SIPA1L1: variants seen among roughly 807,000 people sequenced by gnomAD.
The protein encoded by SIPA1L1 is signal-induced proliferation-associated 1-like protein 1.
In SIPA1L1, 26 loss-of-function variants were observed where a neutral mutation model predicts 162.7. That is an observed-to-expected ratio of 0.16 (90% CI 0.12 to 0.22). The LOEUF (loss-of-function observed/expected upper bound fraction) is 0.22, where lower values mean the gene tolerates loss of function less well. SIPA1L1 is among the 10% of genes least tolerant of loss of function. The probability of loss-of-function intolerance (pLI) is 1.00; values close to 1 mark genes in which losing one functional copy is unlikely to be tolerated. For missense variants in SIPA1L1, 1,874 were observed against 2,241.0 expected (o/e 0.84, Z 3.31); for synonymous variants, 829 against 837.4 (o/e 0.99, Z 0.17).
chr14:71,364,948 T>C (rs35260692), intron 2 of SIPA1L1, among the ~76,000 whole-genome samples: 24,879 of 152,052 alleles, frequency 0.16, 2,636 homozygotes, highest in Middle Eastern at 0.34. Context: ...GTTTCACCCA[T>C]GTTGGCCAGG....
chr14:71,402,423 T>A (rs145372854), intron 2 of SIPA1L1, among the ~76,000 whole-genome samples: 230 of 151,658 alleles, frequency 1.5e-3, no homozygotes, highest in Non-Finnish European at 2.5e-3. Flanking sequence ...ACCTCAGCTC[T>A]CTGTAACCTC....
At chr14:71,407,346 A>G (rs1344726387) in intron 2 of SIPA1L1, among the ~76,000 whole-genome samples, 1 of 152,100 alleles carries the variant, frequency 6.6e-6, no homozygotes, top group African/African-American at 2.4e-5. Flanking sequence ...TACTGTAGAC[A>G]GTTTTAGGCT....
At chr14:71,609,803 G>A (rs2037989278) in intron 5 of SIPA1L1, among the ~76,000 whole-genome samples, 1 of 152,090 alleles carries the variant, frequency 6.6e-6, no homozygotes, top group East Asian at 1.9e-4. Context: ...TGTTGCTCAG[G>A]CTGGTCTTGA....
chr14:71,558,867 A>G (rs2146512478), intron 4 of SIPA1L1, among the ~76,000 whole-genome samples: 1 of 152,146 alleles, frequency 6.6e-6, no homozygotes, highest in East Asian at 1.9e-4. Context: ...TATTTTTTGT[A>G]GAGACACGGT....
chr14:71,623,322 A>G (rs2039641442), intron 6 of SIPA1L1, among the ~76,000 whole-genome samples: 1 of 152,208 alleles, frequency 6.6e-6, no homozygotes, highest in East Asian at 1.9e-4. Context: ...AGGTTAACAA[A>G]ACTTTGCCTT....
rs556402988 is a variant in SIPA1L1 at position 71,423,177 on chromosome 14, T to G, written c.-464-89566T>G. Among the ~76,000 whole-genome samples, 31 of 152,288 alleles carry G rather than the reference T, an allele frequency of 2.0e-4. No homozygotes were observed. The East Asian group carries it at 5.8e-3, about 28-fold the overall frequency. ...CCATTTTTGAATCAAGTTGTTTGTT[T>G]TGTTGTTGAGTTACAGTTCTTTATA... On this transcript the variant is annotated intron_variant, in intron 2 of 23. Transcript: ENST00000381232.
chr14:71,363,224 C>T (rs1230895153), intron 2 of SIPA1L1, among the ~76,000 whole-genome samples: 3 of 152,104 alleles, frequency 2.0e-5, no homozygotes, highest in African/African-American at 7.2e-5. Flanking sequence ...ATTTCTCTAC[C>T]TCTCTGTGGC....
At chr14:71,457,955 T>G in intron 2 of SIPA1L1, among the ~76,000 whole-genome samples, 1 of 152,198 alleles carries the variant, frequency 6.6e-6, no homozygotes, top group East Asian at 1.9e-4. Context: ...GTTCTTTTTT[T>G]GGATTTACAT....
chr14:71,350,049 G>GC (rs2036540255), intron 2 of SIPA1L1, among the ~76,000 whole-genome samples: 2 of 152,274 alleles, frequency 1.3e-5, no homozygotes, highest in African/African-American at 4.8e-5. Flanking sequence ...GGTTATAAGA[G>GC]CATTTCTGCT....
At chr14:71,390,470 G>T (rs1256298600) in intron 2 of SIPA1L1, among the ~76,000 whole-genome samples, 1 of 152,006 alleles carries the variant, frequency 6.6e-6, no homozygotes, top group African/African-American at 2.4e-5. Flanking sequence ...GGTTGTTTTG[G>T]TGCCCAAATA....
At chr14:71,416,296 C>A (rs2042756210) in intron 2 of SIPA1L1, 1 of 152,126 alleles carries the variant, frequency 6.6e-6, no homozygotes. Context: ...CAGACAATAT[C>A]AAGAACTGAT....
chr14:71,737,249 GA>G (rs757884152), intron 22 of SIPA1L1, among the ~76,000 whole-genome samples: 3 of 152,184 alleles, frequency 2.0e-5, no homozygotes, highest in Non-Finnish European at 4.4e-5. Context: ...CTGAGGTCAG[GA>G]ATTGTAACTT....
intron 8 of SIPA1L1, among the ~76,000 whole-genome samples, chr14:71,652,487 T>G (rs2042706154): frequency 6.6e-6 from 1 of 152,196 alleles, no homozygotes; most frequent in African/African-American, 2.4e-5. Flanking sequence ...ATCTATGGGT[T>G]TGTAGTTTTT....
chr14:71,465,009 G>A (rs2046887093), intron 2 of SIPA1L1, among the ~76,000 whole-genome samples: 1 of 152,140 alleles, frequency 6.6e-6, no homozygotes, highest in Non-Finnish European at 1.5e-5. Context: ...AGGCCACTCA[G>A]GGTTTATCTC....
At chr14:71,513,279 G>T (rs185807924) in intron 3 of SIPA1L1, among the ~76,000 whole-genome samples, 177 of 152,172 alleles carry the variant, frequency 1.2e-3, no homozygotes, top group African/African-American at 4.1e-3. Flanking sequence ...CCAAGAATTG[G>T]ACACTTGGTT....
intron 20 of SIPA1L1, 78 bp from the exon 21 acceptor site, chr14:71,733,588 G>A: frequency 1.4e-6 from 2 of 1,406,830 alleles, no homozygotes; most frequent in Non-Finnish European, 2.0e-6. Flanking sequence ...AATCTATTGT[G>A]GTAACAGGAA....
intron 2 of SIPA1L1, among the ~76,000 whole-genome samples, chr14:71,466,004 C>T (rs1048112002): frequency 4.6e-5 from 7 of 152,146 alleles, no homozygotes; most frequent in East Asian, 3.8e-4. Flanking sequence ...GCCTGCCTTC[C>T]GTAGCCCACT....
intron 16 of SIPA1L1, 128 bp from the exon 17 acceptor site, chr14:71,709,094 C>A: frequency 1.5e-6 from 1 of 689,554 alleles, no homozygotes; most frequent in Non-Finnish European, 2.4e-6. Context: ...CTTACTGTGA[C>A]TAGTCATTAT....
intron 10 of SIPA1L1, among the ~76,000 whole-genome samples, chr14:71,666,591 A>G (rs1194445266): frequency 6.6e-6 from 1 of 152,216 alleles, no homozygotes; most frequent in Non-Finnish European, 1.5e-5. Context: ...AACAAATATT[A>G]AACTGTGGTC....
Sources: gnomAD v4.1 joint callset for allele counts (sites outside exome capture counted in the v4.1 genomes callset) on GRCh38, gnomAD v4.1.1 for gene constraint, MANE v1.5 for transcripts, NCBI Gene and HGNC (gene_info 2026-07-23, HGNC 2026-07-21) for gene names.